Variants in TAOK1 observed in about 807,000 individuals in gnomAD.
The protein encoded by TAOK1 is serine/threonine-protein kinase TAO1.
A neutral mutation model predicts 138.3 loss-of-function variants in TAOK1; 21 were observed. The observed-to-expected ratio is 0.15, with a 90% CI of 0.11 to 0.22. The LOEUF (loss-of-function observed/expected upper bound fraction) is 0.22, where lower values mean the gene tolerates loss of function less well. Ranked by LOEUF, TAOK1 falls within the 10% of genes least tolerant of loss-of-function variation. The probability of loss-of-function intolerance (pLI) is 1.00; values close to 1 mark genes in which losing one functional copy is unlikely to be tolerated. For synonymous variants in TAOK1, 361 were observed against 398.4 expected (o/e 0.91, Z 1.12); for missense variants, 651 against 1,227.7 (o/e 0.53, Z 7.02).
rs546399654 is a variant in TAOK1, at chr17:29,432,182, G to A, written c.-94-19273G>A. The stretch of plus-strand genomic sequence containing the variant: ...TTACCCACATATTTATTGACAGCAA[G>A]CCAGTGATAAGCATTGTTTCTATAG... On this transcript the variant is annotated intron_variant, in intron 1 of 19. Transcript: ENST00000261716. Among the ~76,000 whole-genome samples the A allele has an allele frequency of 2.6e-5, 4 of 152,328 alleles. 1 individual carries two copies. In the South Asian group the frequency reaches 8.3e-4, roughly 32 times the overall value.
At chr17:29,433,447 A>G (rs1372423270) in intron 1 of TAOK1, among the ~76,000 whole-genome samples, 1 of 114,552 alleles carries the variant, frequency 8.7e-6, no homozygotes, top group Non-Finnish European at 1.7e-5. Flanking sequence ...AAAAGAATGT[A>G]AAAAGATTCT....
chr17:29,482,744 T>A (rs555367692), intron 8 of TAOK1, among the ~76,000 whole-genome samples: 47 of 147,350 alleles, frequency 3.2e-4, no homozygotes, highest in East Asian at 9.7e-4. Flanking sequence ...ATATACATAT[T>A]TTTTTTTTTT....
intron 1 of TAOK1, among the ~76,000 whole-genome samples, chr17:29,421,531 C>G (rs1905444650): frequency 6.6e-6 from 1 of 152,058 alleles, no homozygotes. Context: ...CCTGTGAAAC[C>G]ATCTGGGCCT....
intron 12 of TAOK1, among the ~76,000 whole-genome samples, chr17:29,499,444 C>T (rs567563190): frequency 0.016 from 2,401 of 151,762 alleles, 29 homozygotes; most frequent in Admixed American, 0.028. Context: ...GTTGGCCAGG[C>T]TAGTCTCAAA....
chr17:29,447,955 CTTTTTTTTT>C (rs56163080), intron 1 of TAOK1, among the ~76,000 whole-genome samples: 1 of 93,272 alleles, frequency 1.1e-5, no homozygotes, highest in Non-Finnish European at 2.0e-5. Flanking sequence ...TGCACCTGGT[CTTTTTTTTT>C]TTTTTTTTTT....
At chr17:29,491,963 C>T in intron 10 of TAOK1, 98 bp downstream of exon 10, 2 of 829,688 alleles carry the variant, frequency 2.4e-6, no homozygotes, top group East Asian at 5.4e-5. Flanking sequence ...ACGTCTCCTG[C>T]AGCCTTGACC....
At chr17:29,501,243 G>T (rs58114030) in intron 12 of TAOK1, among the ~76,000 whole-genome samples, 5 of 121,626 alleles carry the variant, frequency 4.1e-5, no homozygotes, top group Non-Finnish European at 9.0e-5. Flanking sequence ...AAAAAAAAAA[G>T]AAAAGAAAAG....
intron 1 of TAOK1, among the ~76,000 whole-genome samples, chr17:29,450,991 C>T (rs1188365983): frequency 1.3e-5 from 2 of 152,206 alleles, no homozygotes; most frequent in African/African-American, 4.8e-5. Flanking sequence ...CTGTGAAATA[C>T]ATTACTTTCT....
In TAOK1 at chr17:29,477,666, A is replaced by G. The variant is rs1387889625; in HGVS notation, c.312A>G (p.Val104=). ...TTTATAACTTTTCCATGTAGCTTGT[A>G]ATGGAATATTGTTTAGGATCTGCTT... ...CYLREHTAWL[V]MEYCLGSASD... is the part of the protein sequence containing the mutation. Residue 104 remains valine (V), a synonymous_variant, in exon 5 of 20, where the codon GTA becomes GTG. Transcript: ENST00000261716. 1 of 1,387,746 alleles carries G rather than the reference A, an allele frequency of 7.2e-7. No homozygotes were observed. 86.0% of individuals were successfully genotyped at this position (1,387,746 alleles called of 1,614,324 possible). A position where few individuals can be genotyped will look rare whatever the true frequency, so the allele number is the denominator to read the frequency against.
rs202116323 is a variant in TAOK1, at chr17:29,477,709, A to G, written c.352+3A>G. The stretch of plus-strand genomic sequence containing the variant: ...ATCTGCTTCGGATTTACTAGAAGGT[A>G]AGTTCCCTTTGATTATTTTTTAAAA... On this transcript the variant is annotated splice_donor_region_variant and intron_variant, in intron 5 of 19. Coordinates refer to ENST00000261716, the MANE Select transcript of TAOK1 (RefSeq NM_020791.4). 99 of 1,404,128 alleles carry G rather than the reference A, an allele frequency of 7.1e-5. No individual in the cohort carries two copies. The Middle Eastern group carries it at 3.0e-3, about 43-fold the overall frequency. 87.0% of individuals were successfully genotyped at this position (1,404,128 alleles called of 1,614,324 possible).
intron 8 of TAOK1, among the ~76,000 whole-genome samples, chr17:29,488,564 C>T (rs1751113368): frequency 7.3e-6 from 1 of 136,726 alleles, no homozygotes; most frequent in South Asian, 2.3e-4. Context: ...AAGAGTGAAA[C>T]CACATCTCAA....
chr17:29,478,495 T>C, intron 6 of TAOK1, 148 bp downstream of exon 6: 1 of 493,928 alleles, frequency 2.0e-6, no homozygotes, highest in Non-Finnish European at 3.5e-6. Context: ...TGTCCTAAAA[T>C]GAACATAGTT....
At chr17:29,478,228 A>C (rs1448157251) in intron 5 of TAOK1, 23 bp from the exon 6 acceptor site, 3 of 1,558,808 alleles carry the variant, frequency 1.9e-6, no homozygotes, top group African/African-American at 2.8e-5. Flanking sequence ...CTGTGTATTA[A>C]TTATTTTGAA....
At chr17:29,477,535 T>C in intron 4 of TAOK1, 126 bp from the exon 5 acceptor site, 3 of 353,742 alleles carry the variant, frequency 8.5e-6, no homozygotes, top group Non-Finnish European at 1.4e-5. Flanking sequence ...TTTTTTAAGG[T>C]AAATGGTGAC....
intron 1 of TAOK1, among the ~76,000 whole-genome samples, chr17:29,411,248 C>T (rs1294499615): frequency 6.0e-5 from 9 of 150,166 alleles, no homozygotes; most frequent in Admixed American, 1.3e-4. Flanking sequence ...CCCGCCACTA[C>T]GCCCGGCTAA....
intron 11 of TAOK1, 41 bp from the exon 12 acceptor site, chr17:29,498,277 A>G: frequency 1.3e-6 from 2 of 1,597,254 alleles, no homozygotes; most frequent in South Asian, 2.2e-5. Context: ...AGAGAGATAT[A>G]TATTAATATT....
rs187128670 is a variant in TAOK1, at chr17:29,542,332, C to T, written c.2545-229C>T. 3.3e-5 allele frequency among the ~76,000 whole-genome samples: 5 copies of T among 152,188 alleles called. No homozygotes were observed. In the East Asian group the frequency reaches 9.7e-4, roughly 29 times the overall value. On this transcript the variant is annotated intron_variant, in intron 19 of 19. Coordinates refer to ENST00000261716, the MANE Select transcript of TAOK1 (RefSeq NM_020791.4). ...TGCACTAAAAGCCCAGACTTCACCACTACGCAATATGTGCATGTAAAAAAA... is the reference window on the plus strand; with the variant it reads ...TGCACTAAAAGCCCAGACTTCACCATTACGCAATATGTGCATGTAAAAAAA...
At chr17:29,530,284 C>T in intron 17 of TAOK1, 123 bp from the exon 18 acceptor site, 1 of 814,426 alleles carries the variant, frequency 1.2e-6, no homozygotes, top group Non-Finnish European at 1.9e-6. Flanking sequence ...ACCTGATGAT[C>T]TGACCTGCTT....
At chr17:29,447,935 C>T (rs955688064) in intron 1 of TAOK1, among the ~76,000 whole-genome samples, 8 of 141,734 alleles carry the variant, frequency 5.6e-5, no homozygotes, top group African/African-American at 1.8e-4. Flanking sequence ...GGATTACAGG[C>T]GTGAGCCACT....
Sources: gnomAD v4.1 joint callset for allele counts (sites outside exome capture counted in the v4.1 genomes callset) on GRCh38, gnomAD v4.1.1 for gene constraint, MANE v1.5 for transcripts, NCBI Gene and HGNC (gene_info 2026-07-23, HGNC 2026-07-21) for gene names.